FARS2: variants seen among roughly 807,000 people sequenced by gnomAD.
FARS2 encodes the protein phenylalanine--tRNA ligase, mitochondrial.
FARS2 carries 40 observed loss-of-function variants against 46.4 expected under a neutral mutation model. That is an observed-to-expected ratio of 0.86 (90% CI 0.67 to 1.12). The LOEUF is 1.12. Among genes scored for constraint, FARS2 ranks in the 50% most tolerant of loss-of-function variants. The pLI is 0.00. For synonymous variants in FARS2, 234 were observed against 214.9 expected, an observed-to-expected ratio of 1.09 and a Z score of -0.78; for missense variants, 513 against 567.9, an observed-to-expected ratio of 0.90 and a Z score of 0.98.
chr6:5,562,642 A>T (rs1447402032), intron 5 of FARS2, among the ~76,000 whole-genome samples: 2 of 151,306 alleles, frequency 1.3e-5, no homozygotes, highest in African/African-American at 4.9e-5. Flanking sequence ...ATTTTATGTA[A>T]GTCAGTCAAA....
At chr6:5,537,567 T>TCCTCTCGAGTTGGAGACGTCCCGGGCC in intron 4 of FARS2, among the ~76,000 whole-genome samples, 1 of 52,394 alleles carries the variant, frequency 1.9e-5, no homozygotes, top group African/African-American at 8.1e-5. Flanking sequence ...TGTCCCGGGC[T>TCCTCTCGAGTTGGAGACGTCCCGGGCC]TCCTCTCGAG....
At chr6:5,572,604 C>T (rs1482896971) in intron 5 of FARS2, among the ~76,000 whole-genome samples, 1 of 152,108 alleles carries the variant, frequency 6.6e-6, no homozygotes, top group East Asian at 1.9e-4. Context: ...TCCTTGCCCA[C>T]CTCCCCACCC....
At chr6:5,537,805 G>A (rs1770313456) in intron 4 of FARS2, among the ~76,000 whole-genome samples, 1 of 152,148 alleles carries the variant, frequency 6.6e-6, no homozygotes, top group African/African-American at 2.4e-5. Flanking sequence ...TTTTGTTACT[G>A]TCCTTTCACA....
intron 4 of FARS2, among the ~76,000 whole-genome samples, chr6:5,432,327 A>ATATATATATATATATATATATT (rs1331215297): frequency 2.8e-4 from 17 of 61,064 alleles, no homozygotes; most frequent in African/African-American, 1.0e-3. Context: ...AAAAAAAAAA[A>ATATATATATATATATATATATT]ATATATATAT....
intron 4 of FARS2, among the ~76,000 whole-genome samples, chr6:5,455,851 T>C (rs1396213674): frequency 6.6e-6 from 1 of 152,212 alleles, no homozygotes; most frequent in Non-Finnish European, 1.5e-5. Context: ...AAGGAAGCTA[T>C]TAGAAATGGT....
chr6:5,657,183 G>A (rs1777643397), intron 6 of FARS2, among the ~76,000 whole-genome samples: 1 of 152,236 alleles, frequency 6.6e-6, no homozygotes, highest in African/African-American at 2.4e-5. Context: ...TTTGTGGGAT[G>A]TGTATTTAGA....
intron 6 of FARS2, among the ~76,000 whole-genome samples, chr6:5,748,880 G>T (rs1761787474): frequency 6.6e-6 from 1 of 152,228 alleles, no homozygotes; most frequent in African/African-American, 2.4e-5. Flanking sequence ...ATGTTTTGAG[G>T]GGGACCTATC....
chr6:5,620,717 CTTCAAGTCCCTTGTG>C (rs778730638), intron 6 of FARS2, among the ~76,000 whole-genome samples: 14 of 152,234 alleles, frequency 9.2e-5, no homozygotes, highest in Non-Finnish European at 1.9e-4. Context: ...TCAGCACCAA[CTTCAAGTCCCTTGTG>C]TTATTCTGAT....
chr6:5,695,310 T>C (rs1218353615), intron 6 of FARS2: 1 of 152,274 alleles, frequency 6.6e-6, no homozygotes, highest in African/African-American at 2.4e-5. Context: ...GCAGCATTTG[T>C]GGCAGTGCCA....
intron 6 of FARS2, among the ~76,000 whole-genome samples, chr6:5,674,982 T>C (rs1442842140): frequency 6.6e-6 from 1 of 152,238 alleles, no homozygotes; most frequent in Non-Finnish European, 1.5e-5. Context: ...GTTTCCTTTT[T>C]ACTACTGGTC....
intron 2 of FARS2, among the ~76,000 whole-genome samples, chr6:5,371,930 T>A (rs1759089588): frequency 6.6e-6 from 1 of 151,820 alleles, no homozygotes; most frequent in Non-Finnish European, 1.5e-5. Flanking sequence ...TAGAGAAACC[T>A]GAAACAAAAC....
chr6:5,769,682 T>C (rs935342730), intron 6 of FARS2, among the ~76,000 whole-genome samples: 21 of 152,084 alleles, frequency 1.4e-4, no homozygotes, highest in African/African-American at 4.3e-4. Flanking sequence ...GCAGCTGACA[T>C]TGGGTGAGGG....
At chr6:5,657,731 T>C (rs1777667477) in intron 6 of FARS2, among the ~76,000 whole-genome samples, 1 of 152,244 alleles carries the variant, frequency 6.6e-6, no homozygotes, top group Non-Finnish European at 1.5e-5. Context: ...AGAGGCATTT[T>C]CAAAAATTGA....
intron 4 of FARS2, among the ~76,000 whole-genome samples, chr6:5,462,665 G>A (rs570671374): frequency 1.7e-4 from 26 of 152,222 alleles, no homozygotes; most frequent in Middle Eastern, 3.4e-3. Context: ...AATTGCCTTG[G>A]TATCTTTGTT....
intron 5 of FARS2, among the ~76,000 whole-genome samples, chr6:5,576,771 T>C (rs894695536): frequency 6.6e-6 from 1 of 151,880 alleles, no homozygotes; most frequent in African/African-American, 2.4e-5. Context: ...AAAAGGACTT[T>C]TGAAGATAGT....
At chr6:5,474,489 C>T (rs1374983623) in intron 4 of FARS2, among the ~76,000 whole-genome samples, 3 of 152,028 alleles carry the variant, frequency 2.0e-5, no homozygotes, top group African/African-American at 4.8e-5. Context: ...TTTACACAAA[C>T]CTAGATTGTG....
intron 6 of FARS2, among the ~76,000 whole-genome samples, chr6:5,751,068 T>A (rs1231404337): frequency 6.6e-6 from 1 of 152,166 alleles, no homozygotes; most frequent in African/African-American, 2.4e-5. Context: ...GTTCAATGTT[T>A]TTTCTGAGTT....
intron 1 of FARS2, among the ~76,000 whole-genome samples, chr6:5,323,554 C>T (rs1011734654): frequency 3.3e-5 from 5 of 152,138 alleles, no homozygotes; most frequent in Non-Finnish European, 1.5e-5. Flanking sequence ...TTATGAGTTT[C>T]TGTTAAAATA....
chr6:5,545,154 A>G (rs200464829), intron 4 of FARS2, 26 bp from the exon 5 acceptor site: 1 of 1,612,056 alleles, frequency 6.2e-7, no homozygotes, highest in Non-Finnish European at 8.5e-7. Context: ...CTTTTTAAAA[A>G]CAACTATTTT....
Sources: allele counts gnomAD v4.1 joint callset (sites outside exome capture counted in the v4.1 genomes callset), GRCh38; gene constraint gnomAD v4.1.1; transcripts MANE v1.5; gene names NCBI Gene and HGNC (gene_info 2026-07-23, HGNC 2026-07-21).